LTN1: variants seen among roughly 807,000 people sequenced by gnomAD.
LTN1 encodes listerin E3 ubiquitin protein ligase 1, also known as E3 ubiquitin-protein ligase listerin.
Under a neutral mutation model 201.2 loss-of-function variants are expected in LTN1, and 88 were observed. The ratio of observed to expected loss-of-function variants is 0.44; its 90% confidence interval spans 0.37 to 0.52. LTN1 has a LOEUF of 0.52. Among genes scored for constraint, LTN1 ranks in the 20% least tolerant of loss-of-function variants. LTN1 has a pLI of 0.00. For synonymous variants in LTN1, 645 were observed against 713.5 expected (o/e 0.90, Z 1.53); for missense variants, 1,752 against 2,038.7 (o/e 0.86, Z 2.71).
intron 18 of LTN1, among the ~76,000 whole-genome samples, chr21:28,949,494 G>C (rs984805039): frequency 6.6e-6 from 1 of 152,012 alleles, no homozygotes; most frequent in Non-Finnish European, 1.5e-5. Context: ...CCACTAACAC[G>C]AATGCTCCAT....
In LTN1 at chr21:28,932,451, T is replaced by A; in HGVS notation, c.5070+19A>T. Reference sequence around the variant, plus strand: ...TCTTTTCCAAGTTTGTAAAGCCAAATGTGTAAACAGAAACTTACCTGATGG... The same window carrying A: ...TCTTTTCCAAGTTTGTAAAGCCAAAAGTGTAAACAGAAACTTACCTGATGG... On this transcript the variant is annotated intron_variant, in intron 28 of 29. Transcript: ENST00000361371. The A allele has an allele frequency of 6.2e-7, 1 of 1,603,688 alleles. No homozygotes were observed. Among genetic ancestry groups the A allele is most frequent in the Non-Finnish European group, 8.5e-7 (1 of 1,174,598 alleles).
At chr21:28,971,518 A>G (rs748554565) in intron 6 of LTN1, 74 bp from the exon 7 acceptor site, 161 of 1,377,462 alleles carry the variant, frequency 1.2e-4, no homozygotes, top group Non-Finnish European at 1.5e-4. Flanking sequence ...TGGTAATAGT[A>G]GATTATTCAC....
intron 18 of LTN1, among the ~76,000 whole-genome samples, chr21:28,948,270 C>CTTTTTTTTT (rs869195177): frequency 7.9e-6 from 1 of 126,660 alleles, no homozygotes; most frequent in Non-Finnish European, 1.7e-5. Flanking sequence ...TCTTTTCTTT[C>CTTTTTTTTT]TTTTTTTTTT....
chr21:28,992,628 A>G, intron 1 of LTN1, 136 bp downstream of exon 1: 1 of 901,926 alleles, frequency 1.1e-6, no homozygotes, highest in Non-Finnish European at 1.7e-6. Context: ...ACGCACACAC[A>G]ACAGAGAGGT....
rs576503877 is a variant in LTN1, at chr21:28,986,797, A to G, written c.180T>C (p.Leu60=). Residue 60 remains leucine, a synonymous_variant, in exon 2 of 30, where the codon CTT becomes CTC. Transcript: ENST00000361371. This position sits in a 1 kb window ranked among gnomAD's most constrained non-coding sequence, Gnocchi z 4.1. ...AIQGAEEIDS[L]VDSDFRMVLR... is the part of the protein sequence containing the mutation. ...GCACCATTCGGAAATCAGAATCTAC[A>G]AGACTGTCAATTTCTTCAGCTCCTT... The G allele has an allele frequency of 5.5e-5, 89 of 1,614,136 alleles. 1 individual carries two copies. The highest frequency in any genetic ancestry group is 4.5e-4 in the South Asian group (41 of 91,078).
intron 15 of LTN1, 130 bp downstream of exon 15, chr21:28,957,202 A>G (rs1469624432): frequency 7.7e-6 from 7 of 911,326 alleles, no homozygotes; most frequent in Non-Finnish European, 1.1e-5. Flanking sequence ...GTATATGAGC[A>G]TACAAAGACA....
chr21:28,953,296 G>A lies in LTN1; in HGVS notation c.3160C>T (p.Leu1054Phe). Residue 1054 changes from leucine to phenylalanine, a missense_variant, in exon 17 of 30, where the codon CTT (leucine) becomes TTT (phenylalanine). Around this residue, in one of 3 missense-constraint regions of LTN1, gnomAD observed 1,211 missense variants for 1,312.8 expected, o/e 0.92. Transcript: ENST00000361371. ...PIFLIGFCEI[L>F]QKMNITYDNL... ...TCATACGTAATATTCATTTTTTGAA[G>A]TATTTCACAAAATCCAATTAGAAAA... The A allele has an allele frequency of 1.9e-6, 3 of 1,606,860 alleles. No individual in the cohort carries two copies. The highest frequency in any genetic ancestry group is 2.5e-6 in the Non-Finnish European group (3 of 1,176,776).
Position 28,941,059 on chromosome 21 carries a change from AG to A in LTN1, c.4482+160del, listed in dbSNP as rs145143853. On this transcript the variant is annotated intron_variant, in intron 25 of 29. Transcript: ENST00000361371. ...GCCACTGCATTCCAGCACAGGCAAC[AG>A]AGTGAGACCCTGTCTCAAATAAACA... Among the ~76,000 whole-genome samples the A allele has an allele frequency of 3.5e-4, 53 of 152,378 alleles. No individual in the cohort carries two copies. The East Asian group carries it at 0.01, about 29-fold the overall frequency.
At position 28,956,755 on chromosome 21, in the gene LTN1, T is replaced by C. The variant is rs1436139029; in HGVS notation, c.3079+7A>G. Reference sequence around the variant, plus strand: ...TATGTTATATGTAAATACTCATATATACTTACTTATTTTCTCAAGCTCATT... The same window carrying C: ...TATGTTATATGTAAATACTCATATACACTTACTTATTTTCTCAAGCTCATT... On this transcript the variant is annotated splice_region_variant and intron_variant, in intron 16 of 29. Coordinates refer to ENST00000361371, the MANE Select transcript of LTN1 (RefSeq NM_015565.3). 2 of 1,519,656 alleles carry C rather than the reference T, an allele frequency of 1.3e-6. No homozygotes were observed. The highest frequency in any genetic ancestry group is 4.6e-5 in the East Asian group (2 of 43,724). The allele number at this position is 1,519,656 out of a possible 1,614,324, so 94.1% of individuals were successfully genotyped here.
At chr21:28,965,205 A>G (rs2084511601) in intron 11 of LTN1, among the ~76,000 whole-genome samples, 1 of 152,242 alleles carries the variant, frequency 6.6e-6, no homozygotes, top group Admixed American at 6.5e-5. Context: ...TTAGCTATGA[A>G]AACAGAAAAA....
chr21:28,962,950 C>T (rs2084491490), intron 11 of LTN1, among the ~76,000 whole-genome samples: 1 of 152,210 alleles, frequency 6.6e-6, no homozygotes. Flanking sequence ...TAATCCAAAA[C>T]CGAATCCAGA....
At chr21:28,958,319 G>T in intron 14 of LTN1, 67 bp downstream of exon 14, 1 of 1,442,840 alleles carries the variant, frequency 6.9e-7, no homozygotes, top group Non-Finnish European at 9.4e-7. Context: ...CACTGATCAT[G>T]GAATCTAATT....
At chr21:28,983,754 G>A (rs957968146) in intron 4 of LTN1, among the ~76,000 whole-genome samples, 1 of 152,216 alleles carries the variant, frequency 6.6e-6, no homozygotes, top group Non-Finnish European at 1.5e-5. Flanking sequence ...ACAGGGTGTT[G>A]TGGAAACACA....
chr21:28,935,247 A>G lies in LTN1; in HGVS notation c.4737T>C (p.Val1579=). The G allele has an allele frequency of 6.2e-7, 1 of 1,614,004 alleles. No homozygotes were observed. The highest frequency in any genetic ancestry group is 1.3e-5 in the African/African-American group (1 of 75,064). The change falls in exon 27 of 30, where the codon GTT becomes GTC. Residue 1579 remains valine, a synonymous_variant. Coordinates refer to ENST00000361371, the MANE Select transcript of LTN1 (RefSeq NM_015565.3). The part of the protein sequence containing the change: ...HMTLKDLPAM[V]RLWWNSSEKR... ...TCTCACTGCTATTCCACCACAACCT[A>G]ACCATGGCAGGCAAGTCTTTTAATG... is the stretch of plus-strand genomic sequence containing the variant.
chr21:28,960,496 C>T (rs777788833), intron 12 of LTN1, 21 bp downstream of exon 12: 1 of 1,590,380 alleles, frequency 6.3e-7, no homozygotes, highest in Non-Finnish European at 8.6e-7. Context: ...CATTAGAAAA[C>T]AAAAGCCATA....
chr21:28,956,841 A>G lies in LTN1; in HGVS notation c.3000T>C (p.Thr1000=), dbSNP rs2084429412. 1 of 1,612,112 alleles carries G rather than the reference A, an allele frequency of 6.2e-7. No individual in the cohort carries two copies. Among genetic ancestry groups the G allele is most frequent in the Non-Finnish European group, 8.5e-7 (1 of 1,178,664 alleles). ...DIKTLPSHLC[T]SALLSKMVLI... is the part of the protein sequence containing the mutation. ...AGACCATTTTGCTCAATAATGCTGAAGTACACAAATGGCTGGGAAGTGTCT... is the reference window on the plus strand; with the variant it reads ...AGACCATTTTGCTCAATAATGCTGAGGTACACAAATGGCTGGGAAGTGTCT... The change falls in exon 16 of 30, where the codon ACT becomes ACC. Residue 1000 remains threonine, a synonymous_variant. Transcript: ENST00000361371.
intron 6 of LTN1, among the ~76,000 whole-genome samples, chr21:28,976,118 T>TA (rs11300900): frequency 0.026 from 3,827 of 145,138 alleles, 159 homozygotes; most frequent in African/African-American, 0.09. Flanking sequence ...GCATTTTGGG[T>TA]AAAAAAAAAA....
Position 28,986,775 on chromosome 21 carries a change from C to A in LTN1, c.202G>T (p.Val68Leu). Residue 68 changes from valine to leucine, a missense_variant, in exon 2 of 30, where the codon GTG becomes TTG. Around this residue, in one of 3 missense-constraint regions of LTN1, gnomAD observed 280 missense variants for 375.7 expected, o/e 0.75. Transcript: ENST00000361371. The surrounding 1 kb of genome is among the most constrained non-coding windows in gnomAD (Gnocchi z 4.1). ...TCTTTCTTTGAAAGTTTCCGCAGCA[C>A]CATTCGGAAATCAGAATCTACAAGA... ...DSLVDSDFRM[V>L]LRKLSKKDVT... The A allele has an allele frequency of 3.1e-6, 5 of 1,614,052 alleles. No homozygotes were observed. Among genetic ancestry groups the A allele is most frequent in the Non-Finnish European group, 4.2e-6 (5 of 1,179,932 alleles).
chr21:28,943,482 TGAAATATAAATTGTGTATAGA>T, intron 23 of LTN1, 146 bp from the exon 24 acceptor site: 1 of 683,340 alleles, frequency 1.5e-6, no homozygotes, highest in Non-Finnish European at 2.5e-6. Context: ...CCAGGACTAT[TGAAATATAAATTGTGTATAGA>T]GAACAATAAC....
Sources: gnomAD v4.1 joint callset for allele counts (sites outside exome capture counted in the v4.1 genomes callset) on GRCh38, gnomAD v4.1.1 for gene constraint, gnomAD v4.1.1 regional missense constraint, Gnocchi (gnomAD v3.1) non-coding constraint, MANE v1.5 for transcripts, NCBI Gene and HGNC (gene_info 2026-07-23, HGNC 2026-07-21) for gene names.